The following HTR3A variants were observed in gnomAD, a reference collection of about 807,000 sequenced individuals.
HTR3A encodes the protein 5-hydroxytryptamine (serotonin) receptor 3A, ionotropic.
A neutral mutation model predicts 54.8 loss-of-function variants in HTR3A; 45 were observed. The observed-to-expected ratio is 0.82, with a 90% confidence interval of 0.65 to 1.05. The LOEUF (loss-of-function observed/expected upper bound fraction) is 1.05. Among genes scored for constraint, HTR3A ranks in the 50% least tolerant of loss-of-function variants. HTR3A has a pLI of 0.00. For missense variants in HTR3A, 657 were observed against 614.0 expected (o/e 1.07, Z -0.74); for synonymous variants, 297 against 256.0 (o/e 1.16, Z -1.53).
Position 113,989,907 on chromosome 11 carries a change from T to A in HTR3A, c.*144T>A, listed in dbSNP as rs984661290. 3 of 942,734 alleles carry A rather than the reference T, an allele frequency of 3.2e-6. No homozygotes were observed. The African/African-American group carries it at 4.8e-5, about 15-fold the overall frequency. 58.4% of individuals were successfully genotyped at this position (942,734 alleles called of 1,614,324 possible). On this transcript the variant is annotated 3_prime_UTR_variant, in exon 9 of 9. Transcript: ENST00000504030. This position sits in a 1 kb window ranked among gnomAD's most constrained non-coding sequence, Gnocchi z 4.4. ...TCCCGTGCCCTGTTTCCAATGCCAATTCATCTCAGCAATCACAAGCCAAGG... is the reference window on the plus strand; with the variant it reads ...TCCCGTGCCCTGTTTCCAATGCCAAATCATCTCAGCAATCACAAGCCAAGG...
intron 3 of HTR3A, 49 bp from the exon 4 acceptor site, chr11:113,981,154 C>A: frequency 1.7e-6 from 2 of 1,177,618 alleles, no homozygotes; most frequent in Non-Finnish European, 2.6e-6. Flanking sequence ...AGGCGACCCT[C>A]ACTGGAGATG....
chr11:113,986,559 G>A lies in HTR3A; in HGVS notation c.747G>A (p.Leu249=). 1.2e-6 allele frequency: 2 copies of A among 1,613,078 alleles called. No homozygotes were observed. Among genetic ancestry groups the A allele is most frequent in the East Asian group, 2.2e-5 (1 of 44,866 alleles). ...GGCCCCTCTTCTATGTGGTCAGCCTGCTACTGCCCAGCATCTTCCTCATGG... is the reference window on the plus strand; with the variant it reads ...GGCCCCTCTTCTATGTGGTCAGCCTACTACTGCCCAGCATCTTCCTCATGG... The part of the protein sequence containing the change: ...RRRPLFYVVS[L]LLPSIFLMVM... Residue 249 remains leucine (L), a synonymous_variant, in exon 7 of 9, where the codon CTG becomes CTA. Coordinates refer to ENST00000504030, the MANE Select transcript of HTR3A (RefSeq NM_000869.6).
In HTR3A at chr11:113,983,772, C is replaced by T. The variant is rs112452283; in HGVS notation, c.544+483C>T. Among the ~76,000 whole-genome samples the T allele has an allele frequency of 2.7e-3, 414 of 152,278 alleles. 2 individuals carry two copies. Among genetic ancestry groups the T allele is most frequent in the African/African-American group, 8.4e-3 (349 of 41,552 alleles). On this transcript the variant is annotated intron_variant, in intron 5 of 8. Coordinates refer to ENST00000504030, the MANE Select transcript of HTR3A (RefSeq NM_000869.6). Reference sequence around the variant, plus strand: ...ACTTCACCCCCATGCAAACCACCCTCGTCTCCTGCCTAGGTTTCTGCTTTA... The same window carrying T: ...ACTTCACCCCCATGCAAACCACCCTTGTCTCCTGCCTAGGTTTCTGCTTTA...
At chr11:113,982,910 G>A (rs1950437902) in intron 4 of HTR3A, among the ~76,000 whole-genome samples, 1 of 152,146 alleles carries the variant, frequency 6.6e-6, no homozygotes, top group African/African-American at 2.4e-5. Flanking sequence ...AAATGCCCAT[G>A]ACTGCTTGAA....
At position 113,989,315 on chromosome 11, in the gene HTR3A, A is replaced by T; in HGVS notation, c.1139-150A>T. The stretch of plus-strand genomic sequence containing the variant: ...GAGGCGGAGGTTGCAGTGAGCTTAG[A>T]TCACACCACTGCCCTCCAGCCTGGG... On this transcript the variant is annotated intron_variant, in intron 8 of 8. Coordinates refer to ENST00000504030, the MANE Select transcript of HTR3A (RefSeq NM_000869.6). The surrounding 1 kb of genome is among the most constrained non-coding windows in gnomAD (Gnocchi z 4.4). 1.2e-6 allele frequency: 1 copy of T among 838,284 alleles called. No homozygotes were observed. Among genetic ancestry groups the T allele is most frequent in the East Asian group, 2.6e-5 (1 of 39,158 alleles). 51.9% of individuals were successfully genotyped at this position (838,284 alleles called of 1,614,324 possible). A position where few individuals can be genotyped will look rare whatever the true frequency, so the allele number is the denominator to read the frequency against.
rs776085814 is a variant in HTR3A at position 113,983,263 on chromosome 11, T to G, written c.518T>G (p.Leu173Arg). The stretch of plus-strand genomic sequence containing the variant: ...CCCTTCGATGTCCAGAACTGCTCGC[T>G]GACCTTCACCAGTTGGCTGCACACC... ...NFPFDVQNCS[L>R]TFTSWLHTIQ... Residue 173 changes from leucine to arginine, a missense_variant, in exon 5 of 9, where the codon CTG becomes CGG. Coordinates refer to ENST00000504030, the MANE Select transcript of HTR3A (RefSeq NM_000869.6). 1 of 1,614,192 alleles carries G rather than the reference T, an allele frequency of 6.2e-7. No homozygotes were observed. The highest frequency in any genetic ancestry group is 1.7e-4 in the Middle Eastern group (1 of 6,012).
At chr11:113,984,880 T>C (rs888719656) in intron 5 of HTR3A, among the ~76,000 whole-genome samples, 2 of 88,224 alleles carry the variant, frequency 2.3e-5, no homozygotes, top group Admixed American at 2.8e-4. Flanking sequence ...GTTGCACCAC[T>C]GCACTCCAGC....
intron 4 of HTR3A, among the ~76,000 whole-genome samples, chr11:113,981,931 C>T (rs1290076251): frequency 6.6e-6 from 1 of 151,412 alleles, no homozygotes; most frequent in Admixed American, 6.6e-5. Context: ...ACACTCCAGC[C>T]TGCTGGGCGA....
At position 113,986,642 on chromosome 11, in the gene HTR3A, A is replaced by G; in HGVS notation, c.830A>G (p.Lys277Arg). ...AACAGTGGCGAGAGGGTCTCTTTCAAGATTACACTCCTCCTGGGCTACTCG... is the reference window on the plus strand; with the variant it reads ...AACAGTGGCGAGAGGGTCTCTTTCAGGATTACACTCCTCCTGGGCTACTCG... Reference protein sequence around the residue: ...PPNSGERVSFKITLLLGYSVF... With the variant: ...PPNSGERVSFRITLLLGYSVF... The change falls in exon 7 of 9, where the codon AAG becomes AGG. Residue 277 changes from lysine to arginine, a missense_variant. Coordinates refer to ENST00000504030, the MANE Select transcript of HTR3A (RefSeq NM_000869.6). The G allele has an allele frequency of 6.2e-7, 1 of 1,614,020 alleles. No individual in the cohort carries two copies. The highest frequency in any genetic ancestry group is 8.5e-7 in the Non-Finnish European group (1 of 1,180,028).
chr11:113,987,786 T>C (rs1950510108), intron 8 of HTR3A, among the ~76,000 whole-genome samples: 1 of 152,208 alleles, frequency 6.6e-6, no homozygotes, highest in South Asian at 2.1e-4. Context: ...TTCCTTAGAA[T>C]TTCAAACACC....
chr11:113,989,299 G>A lies in HTR3A; in HGVS notation c.1139-166G>A, dbSNP rs534245409. ...AATTGCTTGAACTCGGGAGGCGGAG[G>A]TTGCAGTGAGCTTAGATCACACCAC... On this transcript the variant is annotated intron_variant, in intron 8 of 8. Coordinates refer to ENST00000504030, the MANE Select transcript of HTR3A (RefSeq NM_000869.6). The surrounding 1 kb of genome is among the most constrained non-coding windows in gnomAD (Gnocchi z 4.4). 6.6e-6 allele frequency among the ~76,000 whole-genome samples: 1 copy of A among 152,196 alleles called. No homozygotes were observed. Among genetic ancestry groups the A allele is most frequent in the African/African-American group, 2.4e-5 (1 of 41,522 alleles).
chr11:113,988,753 G>A (rs1198703388), intron 8 of HTR3A, among the ~76,000 whole-genome samples: 3 of 152,102 alleles, frequency 2.0e-5, no homozygotes, highest in African/African-American at 7.2e-5. Flanking sequence ...GAGAGAGTGA[G>A]ACTTGGTCTC....
rs1374635715 is a variant in HTR3A, at chr11:113,977,925, G to A, written c.219+3G>A. The stretch of plus-strand genomic sequence containing the variant: ...TTGTCTATGCCATCCTCAACGTGGT[G>A]AGGCTCAGCCCCGAGCTGCACACAG... On this transcript the variant is annotated splice_donor_region_variant and intron_variant, in intron 2 of 8. Coordinates refer to ENST00000504030, the MANE Select transcript of HTR3A (RefSeq NM_000869.6). The A allele has an allele frequency of 1.2e-6, 2 of 1,614,216 alleles. No individual in the cohort carries two copies. Among genetic ancestry groups the A allele is most frequent in the Non-Finnish European group, 1.7e-6 (2 of 1,180,052 alleles).
rs1950526308 is a variant in HTR3A at position 113,989,486 on chromosome 11, A to C, written c.1160A>C (p.His387Pro). 1 of 1,614,040 alleles carries C rather than the reference A, an allele frequency of 6.2e-7. No individual in the cohort carries two copies. The highest frequency in any genetic ancestry group is 1.3e-5 in the African/African-American group (1 of 74,924). The change falls in exon 9 of 9, where the codon CAC (histidine) becomes CCC (proline). Residue 387 changes from histidine to proline, a missense_variant. His to Pro is a moderately conservative substitution (Grantham distance 77). Coordinates refer to ENST00000504030, the MANE Select transcript of HTR3A (RefSeq NM_000869.6). The surrounding 1 kb of genome is among the most constrained non-coding windows in gnomAD (Gnocchi z 4.4). ...CCAGCCATGGGAAACCACTGCAGCC[A>C]CATGGGAGGACCCCAGGACTTCGAG... ...DCSAMGNHCSHMGGPQDFEKS... is the reference protein window; with the variant it reads ...DCSAMGNHCSPMGGPQDFEKS...
In HTR3A at chr11:113,977,942, T is replaced by G; in HGVS notation, c.219+20T>G. 6.2e-7 allele frequency: 1 copy of G among 1,614,174 alleles called. No homozygotes were observed. The highest frequency in any genetic ancestry group is 8.5e-7 in the Non-Finnish European group (1 of 1,180,016). ...AACGTGGTGAGGCTCAGCCCCGAGC[T>G]GCACACAGGCAGACCTTTTGGGGGT... On this transcript the variant is annotated intron_variant, in intron 2 of 8. Coordinates refer to ENST00000504030, the MANE Select transcript of HTR3A (RefSeq NM_000869.6).
At chr11:113,981,164 G>T in intron 3 of HTR3A, 39 bp from the exon 4 acceptor site, 1 of 1,288,612 alleles carries the variant, frequency 7.8e-7, no homozygotes, top group South Asian at 1.2e-5. Context: ...CACTGGAGAT[G>T]GAGGGGGCTG....
At chr11:113,976,043 C>T (rs1472768477) in intron 1 of HTR3A, among the ~76,000 whole-genome samples, 1 of 152,108 alleles carries the variant, frequency 6.6e-6, no homozygotes, top group Non-Finnish European at 1.5e-5. Flanking sequence ...AAGGGACCGG[C>T]TTCCTTTTGC....
At chr11:113,981,827 G>A (rs1950425442) in intron 4 of HTR3A, among the ~76,000 whole-genome samples, 4 of 151,874 alleles carry the variant, frequency 2.6e-5, no homozygotes, top group Admixed American at 6.6e-5. Context: ...GCGTGGTGGC[G>A]AGCACCTGTA....
intron 8 of HTR3A, among the ~76,000 whole-genome samples, chr11:113,988,443 C>T (rs1022564580): frequency 1.3e-5 from 2 of 152,218 alleles, no homozygotes; most frequent in Non-Finnish European, 2.9e-5. Flanking sequence ...CACCTAACCT[C>T]TCTCAGCTTC....
Sources: gnomAD v4.1 joint callset for allele counts (sites outside exome capture counted in the v4.1 genomes callset) on GRCh38, gnomAD v4.1.1 for gene constraint, Gnocchi (gnomAD v3.1) non-coding constraint, MANE v1.5 for transcripts, NCBI Gene and HGNC (gene_info 2026-07-23, HGNC 2026-07-21) for gene names.